Variants in MACF1 observed in about 807,000 individuals in gnomAD.
The protein encoded by MACF1 is microtubule-actin cross-linking factor 1.
In MACF1, 193 loss-of-function variants were observed where a neutral mutation model predicts 854.8. That is an observed-to-expected ratio of 0.23 (90% CI 0.20 to 0.25). The LOEUF (loss-of-function observed/expected upper bound fraction) is 0.25, where lower values mean the gene tolerates loss of function less well. Ranked by LOEUF, MACF1 falls within the 10% of genes least tolerant of loss-of-function variation. The pLI is 1.00. For synonymous variants in MACF1, 3,185 were observed against 3,226.7 expected (o/e 0.99, Z 0.44); for missense variants, 7,722 against 8,929.1 (o/e 0.86, Z 5.45).
chr1:39,462,549 CA>C (rs11304821), intron 93 of MACF1, among the ~76,000 whole-genome samples: 128,069 of 138,134 alleles, frequency 0.93, 59,344 homozygotes, highest in East Asian at 1. Flanking sequence ...TCCCCCCCGC[CA>C]AAAAAAAAAA....
intron 31 of MACF1, 140 bp from the exon 32 acceptor site, chr1:39,322,468 C>A (rs1646532450): frequency 3.0e-6 from 2 of 660,252 alleles, no homozygotes; most frequent in Non-Finnish European, 5.4e-6. Context: ...TTCTGTCTGG[C>A]CTTTTACAGG....
chr1:39,375,603 T>C (rs1233123542), intron 52 of MACF1, among the ~76,000 whole-genome samples: 2 of 152,198 alleles, frequency 1.3e-5, no homozygotes, highest in Non-Finnish European at 2.9e-5. Flanking sequence ...GCCCAGCCTA[T>C]CTAATTTATT....
chr1:39,102,254 A>C (rs1004879333), intron 2 of MACF1, among the ~76,000 whole-genome samples: 3 of 152,088 alleles, frequency 2.0e-5, no homozygotes, highest in Non-Finnish European at 4.4e-5. Context: ...GAAATAGTTA[A>C]TGAGTGCCCT....
intron 58 of MACF1, among the ~76,000 whole-genome samples, chr1:39,417,567 GAC>G (rs1643363114): frequency 6.7e-6 from 1 of 149,444 alleles, no homozygotes. Flanking sequence ...TTTTTTTTTA[GAC>G]AGAGTCTCAC....
In MACF1 at chr1:39,432,701, G is replaced by C. The variant is rs370853301; in HGVS notation, c.17457+47G>C. Reference sequence around the variant, plus strand: ...AGCTAATAGAATCATCAGTAACTTAGAGTGACTAGGAGAGTTTCTGACTAT... The same window carrying C: ...AGCTAATAGAATCATCAGTAACTTACAGTGACTAGGAGAGTTTCTGACTAT... On this transcript the variant is annotated intron_variant, in intron 67 of 100. Coordinates refer to ENST00000564288, the MANE Select transcript of MACF1 (RefSeq NM_001394062.1). 2.0e-5 allele frequency: 32 copies of C among 1,562,036 alleles called. No individual in the cohort carries two copies. The African/African-American group carries it at 4.2e-4, about 21-fold the overall frequency.
chr1:39,106,669 C>T (rs2148137825), intron 2 of MACF1, among the ~76,000 whole-genome samples: 1 of 152,188 alleles, frequency 6.6e-6, no homozygotes, highest in Non-Finnish European at 1.5e-5. Flanking sequence ...TGTGACTAGG[C>T]CCTTAGTTTC....
intron 90 of MACF1, 169 bp downstream of exon 90, chr1:39,458,659 G>A (rs1293624007): frequency 8.9e-6 from 7 of 786,148 alleles, no homozygotes; most frequent in Non-Finnish European, 1.4e-5. Flanking sequence ...ACAGACAGTA[G>A]CTGTACTCCA....
At chr1:39,183,217 T>C (rs965808114) in intron 2 of MACF1, among the ~76,000 whole-genome samples, 3 of 152,224 alleles carry the variant, frequency 2.0e-5, no homozygotes, top group African/African-American at 4.8e-5. Context: ...AAGTGACTGC[T>C]AATTGATATA....
At chr1:39,147,004 TTTC>T (rs779150712) in intron 2 of MACF1, among the ~76,000 whole-genome samples, 43 of 152,088 alleles carry the variant, frequency 2.8e-4, no homozygotes, top group East Asian at 1.2e-3. Flanking sequence ...CTTTGTTTAT[TTTC>T]TTCTTCTTCT....
At chr1:39,371,248 G>A (rs1649204609) in intron 51 of MACF1, among the ~76,000 whole-genome samples, 1 of 150,726 alleles carries the variant, frequency 6.6e-6, no homozygotes, top group Non-Finnish European at 1.5e-5. Flanking sequence ...AACTTGGGAG[G>A]TGGAGGTTGC....
chr1:39,275,833 C>T (rs1645423710), intron 6 of MACF1, among the ~76,000 whole-genome samples: 1 of 152,094 alleles, frequency 6.6e-6, no homozygotes, highest in Non-Finnish European at 1.5e-5. Context: ...CCTTCTTTAT[C>T]TCTGTTCCTC....
chr1:39,422,650 A>G (rs1570014740), intron 59 of MACF1, 80 bp from the exon 60 acceptor site: 3 of 1,543,620 alleles, frequency 1.9e-6, no homozygotes, highest in East Asian at 2.3e-5. Context: ...GTTGCAATCT[A>G]TAATTACTAA....
rs368178808 is a variant in MACF1 at position 39,336,046 on chromosome 1, C to T, written c.9458C>T (p.Ser3153Leu). The T allele has an allele frequency of 2.6e-5, 42 of 1,613,762 alleles. No homozygotes were observed. The highest frequency in any genetic ancestry group is 1.3e-4 in the East Asian group (6 of 44,892). Residue 3153 changes from serine to leucine, a missense_variant, in exon 37 of 101, where the codon TCG becomes TTG. Coordinates refer to ENST00000564288, the MANE Select transcript of MACF1 (RefSeq NM_001394062.1). ...ETNYQDSWVT[S>L]KTKETKHQIS... ...AACTATCAAGATTCCTGGGTTACTT[C>T]GAAAACTAAGGAAACCAAACATCAA...
Position 39,105,712 on chromosome 1 carries a change from A to G in MACF1, c.220+21274A>G. On this transcript the variant is annotated intron_variant, in intron 2 of 93. Coordinates refer to the MACF1 transcript ENST00000361689. This position sits in a 1 kb window ranked among gnomAD's most constrained non-coding sequence, Gnocchi z 5.9. Reference sequence around the variant, plus strand: ...GCGTACGAGGATGTGCTGGAGCGGTACAAAGGTAGGGCCGGGGACTGGCCG... The same window carrying G: ...GCGTACGAGGATGTGCTGGAGCGGTGCAAAGGTAGGGCCGGGGACTGGCCG... The G allele has an allele frequency of 8.3e-7, 1 of 1,203,886 alleles. No individual in the cohort carries two copies. Among genetic ancestry groups the G allele is most frequent in the Non-Finnish European group, 1.1e-6 (1 of 943,502 alleles). The allele number at this position is 1,203,886 out of a possible 1,614,324, so 74.6% of individuals were successfully genotyped here. A position where few individuals can be genotyped will look rare whatever the true frequency, so the allele number is the denominator to read the frequency against.
intron 2 of MACF1, among the ~76,000 whole-genome samples, chr1:39,132,309 T>A (rs1281207191): frequency 6.6e-6 from 1 of 152,236 alleles, no homozygotes; most frequent in Non-Finnish European, 1.5e-5. Flanking sequence ...TGGGGTCACC[T>A]GTAGCTGTTG....
chr1:39,092,994 C>A (rs915806449), intron 2 of MACF1, among the ~76,000 whole-genome samples: 5 of 152,114 alleles, frequency 3.3e-5, no homozygotes, highest in African/African-American at 1.2e-4. Flanking sequence ...CCATCTTGGC[C>A]AGGCTGGCCT....
intron 97 of MACF1, among the ~76,000 whole-genome samples, chr1:39,473,077 C>T (rs1295017933): frequency 6.6e-6 from 1 of 152,190 alleles, no homozygotes; most frequent in Admixed American, 6.5e-5. Flanking sequence ...CTGGAGATTT[C>T]CTTATGAAAA....
At chr1:39,134,709 A>G (rs1037994435) in intron 2 of MACF1, among the ~76,000 whole-genome samples, 1 of 152,224 alleles carries the variant, frequency 6.6e-6, no homozygotes, top group African/African-American at 2.4e-5. Flanking sequence ...TGGTTGGCAC[A>G]TAGTATGTAA....
rs756056512 is a variant in MACF1, at chr1:39,443,563, G to T, written c.19420G>T (p.Asp6474Tyr). Reference sequence around the variant, plus strand: ...TCCTGAAACTGCTAGGGAACAGCTTGATACACATATGGTAATAGCAATTTT... The same window carrying T: ...TCCTGAAACTGCTAGGGAACAGCTTTATACACATATGGTAATAGCAATTTT... ...GLPETAREQL[D>Y]THMELYSQLK... Residue 6474 changes from aspartate (D) to tyrosine (Y), a missense_variant, in exon 79 of 101, where the codon GAT becomes TAT. Coordinates refer to ENST00000564288, the MANE Select transcript of MACF1 (RefSeq NM_001394062.1). The T allele has an allele frequency of 1.2e-6, 2 of 1,606,954 alleles. No individual in the cohort carries two copies. Among genetic ancestry groups the T allele is most frequent in the South Asian group, 2.2e-5 (2 of 89,510 alleles).
Sources: allele counts gnomAD v4.1 joint callset (sites outside exome capture counted in the v4.1 genomes callset), GRCh38; gene constraint gnomAD v4.1.1; non-coding constraint Gnocchi (gnomAD v3.1); transcripts MANE v1.5; gene names NCBI Gene and HGNC (gene_info 2026-07-23, HGNC 2026-07-21).